Variants in WDR81 observed in about 807,000 individuals in gnomAD.
WDR81 encodes WD repeat domain 81.
A neutral mutation model predicts 140.8 loss-of-function variants in WDR81; 92 were observed. The ratio of observed to expected loss-of-function variants is 0.65; its 90% CI spans 0.55 to 0.78. The LOEUF (loss-of-function observed/expected upper bound fraction) is 0.78. Ranked by LOEUF, WDR81 falls within the 30% of genes least tolerant of loss-of-function variation. WDR81 has a pLI of 0.00. For synonymous variants in WDR81, 1,183 were observed against 1,156.4 expected (o/e 1.02, Z -0.47); for missense variants, 2,502 against 2,636.4 (o/e 0.95, Z 1.12).
rs779399875 is a variant in WDR81 at position 1,735,514 on chromosome 17, C to T, written c.5180-58C>T. 3.6e-5 allele frequency: 55 copies of T among 1,512,984 alleles called. No individual in the cohort carries two copies. The highest frequency in any genetic ancestry group is 4.4e-5 in the Non-Finnish European group (50 of 1,126,358). The allele number at this position is 1,512,984 out of a possible 1,614,324, so 93.7% of individuals were successfully genotyped here. ...GCGGTGAGTTGGGGGATTAGAAGCTCCCAGGGCTCTTCCGTCAGCTGCTGG... is the reference window on the plus strand; with the variant it reads ...GCGGTGAGTTGGGGGATTAGAAGCTTCCAGGGCTCTTCCGTCAGCTGCTGG... On this transcript the variant is annotated intron_variant, in intron 7 of 9. Coordinates refer to ENST00000409644, the MANE Select transcript of WDR81 (RefSeq NM_001163809.2). The surrounding 1 kb of genome is among the most constrained non-coding windows in gnomAD (Gnocchi z 4.2).
rs138358708 is a variant in WDR81 at position 1,731,098 on chromosome 17, C to T, written c.3997C>T (p.Arg1333Ter). 3.7e-6 allele frequency: 6 copies of T among 1,612,748 alleles called. No homozygotes were observed. Among genetic ancestry groups the T allele is most frequent in the African/African-American group, 1.3e-5 (1 of 74,924 alleles). Residue 1333 changes from arginine (R) to a stop codon, truncating the protein, a stop_gained, in exon 4 of 10, where the codon CGA becomes TGA. Transcript: ENST00000409644. LOFTEE classifies it high-confidence loss of function. ...CCCAGGGAGTGCCTCAGGCCCCAGC[C>T]GACTGAACAGCCGTAAGGAGGCGGG... ...VAPGSASGPS[R>*]LNSRKEAGLL...
Position 1,737,629 on chromosome 17 carries a change from A to C in WDR81, c.5770A>C (p.Thr1924Pro). The C allele has an allele frequency of 6.2e-7, 1 of 1,612,512 alleles. No homozygotes were observed. The highest frequency in any genetic ancestry group is 8.5e-7 in the Non-Finnish European group (1 of 1,179,958). Residue 1924 changes from threonine (T) to proline (P), a missense_variant, in exon 10 of 10, where the codon ACT (threonine) becomes CCT (proline). By Grantham distance (38) the Thr-to-Pro change is conservative. Transcript: ENST00000409644. The part of the protein sequence containing the change: ...GTLTSLALLP[T>P]KRHLLLGSDN... ...GCTCACCAGCCTGGCCTTGCTGCCC[A>C]CTAAACGCCACCTCCTGCTGGGCTC...
chr17:1,733,772 C>G lies in WDR81; in HGVS notation c.4735C>G (p.Pro1579Ala). 6.2e-7 allele frequency: 1 copy of G among 1,612,552 alleles called. No homozygotes were observed. The highest frequency in any genetic ancestry group is 8.5e-7 in the Non-Finnish European group (1 of 1,179,782). The change falls in exon 7 of 10, where the codon CCC becomes GCC. Residue 1579 changes from proline (P) to alanine (A), a missense_variant. Physicochemically the swap from Pro to Ala is conservative, Grantham distance 27. Transcript: ENST00000409644. ...QIPNDSRPEN[P>A]GPLGPISGVG... ...CCCCAATGACTCTCGGCCTGAGAAC[C>G]CCGGACCACTGGGCCCCATCTCGGG...
chr17:1,731,421 G>A (rs1039985289), intron 4 of WDR81, among the ~76,000 whole-genome samples, 163 bp downstream of exon 4: 1 of 152,226 alleles, frequency 6.6e-6, no homozygotes, highest in African/African-American at 2.4e-5. Context: ...CCCTTTTCCT[G>A]TGCCTCAGTT....
chr17:1,732,917 C>T (rs1160822302), intron 6 of WDR81, 86 bp downstream of exon 6: 1 of 1,500,378 alleles, frequency 6.7e-7, no homozygotes, highest in Admixed American at 2.1e-5. Context: ...GCCCCAGAGT[C>T]AGCAGTGGGT....
intron 1 of WDR81, 35 bp downstream of exon 1, chr17:1,728,661 A>C: frequency 6.9e-7 from 1 of 1,440,818 alleles, no homozygotes; most frequent in Non-Finnish European, 9.2e-7. Flanking sequence ...TTGGTCAAAA[A>C]CACCTCCTGC....
In WDR81 at chr17:1,727,647, C is replaced by A. The variant is rs1261150614; in HGVS notation, c.2688C>A (p.Ala896=). The change falls in exon 1 of 10, where the codon GCC becomes GCA. Residue 896 remains alanine (A), a synonymous_variant. Coordinates refer to ENST00000409644, the MANE Select transcript of WDR81 (RefSeq NM_001163809.2). Reference sequence around the variant, plus strand: ...AGGCAAGGCGTGTGGAGGACGAGGCCCAGGGGCGCGAGCTGGTGTTTGCTC... The same window carrying A: ...AGGCAAGGCGTGTGGAGGACGAGGCACAGGGGCGCGAGCTGGTGTTTGCTC... The part of the protein sequence containing the change: ...LYQARRVEDE[A]QGRELVFALW... 2.6e-6 allele frequency: 4 copies of A among 1,550,390 alleles called. No homozygotes were observed. The highest frequency in any genetic ancestry group is 3.5e-6 in the Non-Finnish European group (4 of 1,147,016).
rs759330994 is a variant in WDR81, at chr17:1,728,454, AGAGGAG to A, written c.3503_3508del (p.Glu1168_Glu1169del). 1 of 1,611,048 alleles carries A rather than the reference AGAGGAG, an allele frequency of 6.2e-7. No individual in the cohort carries two copies. Among genetic ancestry groups the A allele is most frequent in the Non-Finnish European group, 8.5e-7 (1 of 1,178,414 alleles). On this transcript the variant is annotated inframe_deletion, in exon 1 of 10. Transcript: ENST00000409644. ...AGGAGGAGGACAGCTGCGTGGTGCTAGAGGAGGAGGAGGGGGAGCAGGAGGAGGTCA... is the reference window on the plus strand; with the variant it reads ...AGGAGGAGGACAGCTGCGTGGTGCTAGAGGAGGGGGAGCAGGAGGAGGTCA...
chr17:1,719,465 G>A (rs1228233621), intron 1 of WDR81, among the ~76,000 whole-genome samples: 3 of 151,424 alleles, frequency 2.0e-5, no homozygotes, highest in Non-Finnish European at 2.9e-5. Flanking sequence ...GGAGAGTGGC[G>A]TGAACCCAGG....
upstream of WDR81, among the ~76,000 whole-genome samples, chr17:1,724,184 G>A (rs1915049993): frequency 1.3e-5 from 2 of 151,892 alleles, no homozygotes; most frequent in Admixed American, 6.6e-5. Context: ...CCAACAAGGC[G>A]AAACCCCATC....
At chr17:1,732,107 C>T (rs539470719) in intron 4 of WDR81, among the ~76,000 whole-genome samples, 8 of 152,016 alleles carry the variant, frequency 5.3e-5, no homozygotes, top group African/African-American at 1.7e-4. Flanking sequence ...TATGGTGGCT[C>T]ATGCCTGTAG....
At chr17:1,731,402 C>G (rs1904340071) in intron 4 of WDR81, 144 bp downstream of exon 4, 1 of 991,916 alleles carries the variant, frequency 1.0e-6, no homozygotes, top group South Asian at 1.7e-5. Context: ...TGACCCTGAG[C>G]AAACCACACC....
Position 1,716,634 on chromosome 17 carries a change from G to T in WDR81, c.-124+1G>T. The T allele has an allele frequency of 3.2e-6, 5 of 1,551,692 alleles. No individual in the cohort carries two copies. The highest frequency in any genetic ancestry group is 4.4e-6 in the Non-Finnish European group (5 of 1,146,998). On this transcript the variant is annotated splice_donor_variant, in intron 1 of 10. Transcript: ENST00000309182. LOFTEE classifies it low-confidence loss of function (5UTR_SPLICE). The stretch of plus-strand genomic sequence containing the variant: ...TCGTTCCCAGAACCCAGCGCGCTCT[G>T]TGAGTTGGCATTTTTAAACTGAGCT...
upstream of WDR81, among the ~76,000 whole-genome samples, chr17:1,723,457 TTTTATTTATTTATTTA>T (rs60273826): frequency 0.041 from 5,384 of 130,496 alleles, 293 homozygotes; most frequent in African/African-American, 0.14. Context: ...ATTTATTTAT[TTTTATTTATTTATTTA>T]TTTATTTATT....
At position 1,733,844 on chromosome 17, in the gene WDR81, A is replaced by T. The variant is rs1904599193; in HGVS notation, c.4807A>T (p.Lys1603Ter). ...CAGCGGGAGCGACGACAACGCCCTG[A>T]AGCAGGAGCTGCCGCGGAGCGTGCA... is the stretch of plus-strand genomic sequence containing the variant. ...LGSGSDDNAL[K>*]QELPRSVHGL... The change falls in exon 7 of 10, where the codon AAG (lysine) becomes TAG (stop). Residue 1603 changes from lysine (K) to a stop codon, truncating the protein, a stop_gained. Transcript: ENST00000409644. LOFTEE classifies it high-confidence loss of function. The T allele has an allele frequency of 1.9e-6, 3 of 1,612,630 alleles. No homozygotes were observed. The highest frequency in any genetic ancestry group is 2.5e-6 in the Non-Finnish European group (3 of 1,179,862).
intron 4 of WDR81, among the ~76,000 whole-genome samples, chr17:1,731,566 G>A (rs1158212039): frequency 1.3e-5 from 2 of 151,610 alleles, no homozygotes; most frequent in Non-Finnish European, 2.9e-5. Flanking sequence ...GAGCCCAGGA[G>A]TTCAAGACCA....
chr17:1,736,430 G>A (rs1904875338), intron 9 of WDR81, among the ~76,000 whole-genome samples: 1 of 152,202 alleles, frequency 6.6e-6, no homozygotes, highest in Non-Finnish European at 1.5e-5. Flanking sequence ...AGGCCATGGG[G>A]GCGGGAGCCA....
At chr17:1,732,856 C>T in intron 6 of WDR81, 25 bp downstream of exon 6, 1 of 1,571,718 alleles carries the variant, frequency 6.4e-7, no homozygotes, top group African/African-American at 1.3e-5. Flanking sequence ...CGTTCCCCAT[C>T]ACAGTCTTCG....
Position 1,726,739 on chromosome 17 carries a change from G to T in WDR81, c.1780G>T (p.Gly594Trp). 6.5e-7 allele frequency: 1 copy of T among 1,547,844 alleles called. No homozygotes were observed. ...FDQPHPQRLA[G>W]APALAPEPPL... Reference sequence around the variant, plus strand: ...TCAGCCACACCCCCAGCGCCTGGCTGGGGCTCCTGCCCTTGCCCCCGAGCC... The same window carrying T: ...TCAGCCACACCCCCAGCGCCTGGCTTGGGCTCCTGCCCTTGCCCCCGAGCC... Residue 594 changes from glycine (G) to tryptophan (W), a missense_variant, in exon 1 of 10, where the codon GGG becomes TGG. Gly to Trp is a radical substitution (Grantham distance 184). Coordinates refer to ENST00000409644, the MANE Select transcript of WDR81 (RefSeq NM_001163809.2).
Sources: gnomAD v4.1 joint callset for allele counts (sites outside exome capture counted in the v4.1 genomes callset) on GRCh38, gnomAD v4.1.1 for gene constraint, Gnocchi (gnomAD v3.1) non-coding constraint, MANE v1.5 for transcripts, NCBI Gene and HGNC (gene_info 2026-07-23, HGNC 2026-07-21) for gene names.